Variants in TGFB3 observed in about 807,000 individuals in gnomAD.
TGFB3 encodes transforming growth factor beta 3.
In TGFB3, 5 loss-of-function variants were observed where a neutral mutation model predicts 40.1. The ratio of observed to expected loss-of-function variants is 0.12; its 90% CI spans 0.07 to 0.26. The LOEUF is 0.26. Ranked by LOEUF, TGFB3 falls within the 10% of genes least tolerant of loss-of-function variation. TGFB3 has a pLI of 1.00. For synonymous variants in TGFB3, 184 were observed against 205.6 expected (o/e 0.89, Z 0.90); for missense variants, 373 against 530.1 (o/e 0.70, Z 2.91).
At position 75,980,341 on chromosome 14, in the gene TGFB3, C is replaced by G. The variant is rs1346990727; in HGVS notation, c.352+201G>C. On this transcript the variant is annotated intron_variant, in intron 1 of 6. Coordinates refer to ENST00000238682, the MANE Select transcript of TGFB3 (RefSeq NM_003239.5). This position sits in a 1 kb window ranked among gnomAD's most constrained non-coding sequence, Gnocchi z 4.3. ...AGGGCTCCTGGCCTCCCAGAAGCGC[C>G]GGCTCTTAACAGAATGGCTCTATCT... Among the ~76,000 whole-genome samples, 1 of 152,198 alleles carries G rather than the reference C, an allele frequency of 6.6e-6. No homozygotes were observed. Among genetic ancestry groups the G allele is most frequent in the Non-Finnish European group, 1.5e-5 (1 of 68,020 alleles).
chr14:75,958,722 G>T lies in TGFB3; in HGVS notation c.*465C>A. 5.1e-6 allele frequency: 1 copy of T among 194,508 alleles called. No homozygotes were observed. The highest frequency in any genetic ancestry group is 1.1e-5 in the Non-Finnish European group (1 of 94,202). 12.0% of individuals were successfully genotyped at this position (194,508 alleles called of 1,614,324 possible). A position where few individuals can be genotyped will look rare whatever the true frequency, so the allele number is the denominator to read the frequency against. On this transcript the variant is annotated 3_prime_UTR_variant, in exon 7 of 7. Transcript: ENST00000238682. ...CTGTCTTTAAAAAAAAAAAAAAAATGCTTGCCTTGTATAACATAATCCAGA... is the reference window on the plus strand; with the variant it reads ...CTGTCTTTAAAAAAAAAAAAAAAATTCTTGCCTTGTATAACATAATCCAGA...
intron 3 of TGFB3, among the ~76,000 whole-genome samples, chr14:75,967,741 T>C (rs1022497891): frequency 6.6e-6 from 1 of 152,156 alleles, no homozygotes; most frequent in Non-Finnish European, 1.5e-5. Flanking sequence ...TTATCCCCCA[T>C]TGTACAGATA....
Position 75,959,087 on chromosome 14 carries a change from C to A in TGFB3, c.*100G>T. 1 of 1,506,452 alleles carries A rather than the reference C, an allele frequency of 6.6e-7. No individual in the cohort carries two copies. Among genetic ancestry groups the A allele is most frequent in the South Asian group, 1.1e-5 (1 of 87,710 alleles). The allele number at this position is 1,506,452 out of a possible 1,614,324, so 93.3% of individuals were successfully genotyped here. On this transcript the variant is annotated 3_prime_UTR_variant, in exon 7 of 7. Transcript: ENST00000238682. Reference sequence around the variant, plus strand: ...TGCCCGGAGCCGAAGGTTGTGGGCTCCAGGCCTCTCAGTGAGGTTTGTTGC... The same window carrying A: ...TGCCCGGAGCCGAAGGTTGTGGGCTACAGGCCTCTCAGTGAGGTTTGTTGC...
intron 4 of TGFB3, 75 bp from the exon 5 acceptor site, chr14:75,963,562 C>T (rs2035185972): frequency 1.3e-6 from 2 of 1,571,060 alleles, no homozygotes; most frequent in Admixed American, 3.3e-5. Context: ...CCTCCACACG[C>T]CCCATCACTG....
intron 1 of TGFB3, among the ~76,000 whole-genome samples, chr14:75,975,016 A>G (rs971218063): frequency 1.3e-5 from 2 of 152,008 alleles, no homozygotes; most frequent in Admixed American, 1.3e-4. Context: ...GCTTGAGCCC[A>G]GGAGTTCAAG....
intron 3 of TGFB3, among the ~76,000 whole-genome samples, chr14:75,968,241 C>T (rs2035244842): frequency 6.6e-6 from 1 of 152,154 alleles, no homozygotes; most frequent in Non-Finnish European, 1.5e-5. Flanking sequence ...ATTTGGAGTC[C>T]TTTGTTGCCT....
In TGFB3 at chr14:75,965,590, T is replaced by C. The variant is rs755309898; in HGVS notation, c.752A>G (p.Lys251Arg). ...NIHEVMEIKF[K>R]GVDNEDDHGR... Reference sequence around the variant, plus strand: ...ACCATACACATTCATTTTGTTACCTTTGAATTTGATTTCCATCACCTCGTG... The same window carrying C: ...ACCATACACATTCATTTTGTTACCTCTGAATTTGATTTCCATCACCTCGTG... Residue 251 changes from lysine to arginine, a missense_variant and splice_region_variant, in exon 4 of 7, where the codon AAA becomes AGA. Physicochemically the swap from Lys to Arg is conservative, Grantham distance 26. Transcript: ENST00000238682. 5 of 1,611,954 alleles carry C rather than the reference T, an allele frequency of 3.1e-6. No homozygotes were observed.
rs553467772 is a variant in TGFB3, at chr14:75,959,460, C to T, written c.1081-115G>A. 296 of 1,275,964 alleles carry T rather than the reference C, an allele frequency of 2.3e-4. 1 individual carries two copies. The African/African-American group carries it at 3.5e-3, about 15-fold the overall frequency. The allele number at this position is 1,275,964 out of a possible 1,614,324, so 79.0% of individuals were successfully genotyped here. ...AGCTGAGCAAGTGCTAGAATGGCCACGGGTGCTCTTTAAGAGGAACTGTTG... is the reference window on the plus strand; with the variant it reads ...AGCTGAGCAAGTGCTAGAATGGCCATGGGTGCTCTTTAAGAGGAACTGTTG... On this transcript the variant is annotated intron_variant, in intron 6 of 6. Transcript: ENST00000238682.
chr14:75,969,668 G>A (rs1398694403), intron 3 of TGFB3, among the ~76,000 whole-genome samples: 6 of 152,156 alleles, frequency 3.9e-5, no homozygotes, highest in African/African-American at 1.2e-4. Flanking sequence ...TGTGAAGTTT[G>A]ATATGCCTCC....
chr14:75,963,369 C>T lies in TGFB3; in HGVS notation c.873G>A (p.Pro291=), dbSNP rs370006165. ...GCTTCTTCCTCTGACCCCCCTGGCC[C>T]GGGTTGTCGAGCCGGTGTGGGGGAA... ...MMIPPHRLDN[P]GQGGQRKKRA... Residue 291 remains proline, a synonymous_variant, in exon 5 of 7, where the codon CCG becomes CCA. Transcript: ENST00000238682. The T allele has an allele frequency of 9.3e-5, 150 of 1,614,040 alleles. No homozygotes were observed. The highest frequency in any genetic ancestry group is 1.2e-4 in the Non-Finnish European group (140 of 1,180,044).
rs1300910822 is a variant in TGFB3, at chr14:75,979,911, C to A, written c.352+631G>T. On this transcript the variant is annotated intron_variant, in intron 1 of 6. Transcript: ENST00000238682. The surrounding 1 kb of genome is among the most constrained non-coding windows in gnomAD (Gnocchi z 4.8). ...GTACACGGCCCTGGGAACATTCGTG[C>A]ATACCCTCTTCCTTCCACACACACA... 1.3e-5 allele frequency among the ~76,000 whole-genome samples: 2 copies of A among 152,206 alleles called. No homozygotes were observed. The highest frequency in any genetic ancestry group is 2.9e-5 in the Non-Finnish European group (2 of 68,036).
intron 3 of TGFB3, among the ~76,000 whole-genome samples, chr14:75,970,312 C>T (rs1440697288): frequency 6.6e-6 from 1 of 152,120 alleles, no homozygotes; most frequent in African/African-American, 2.4e-5. Flanking sequence ...AATCCCAGCA[C>T]TTTTGGAAGC....
At chr14:75,976,930 C>T (rs986848174) in intron 1 of TGFB3, among the ~76,000 whole-genome samples, 5 of 152,212 alleles carry the variant, frequency 3.3e-5, no homozygotes, top group South Asian at 2.1e-4. Flanking sequence ...AGGAGCTTGT[C>T]GAAAATACAG....
chr14:75,976,825 C>T (rs1279621958), intron 1 of TGFB3, among the ~76,000 whole-genome samples: 3 of 152,244 alleles, frequency 2.0e-5, no homozygotes, highest in African/African-American at 4.8e-5. Context: ...CATTTCCTGC[C>T]GGGTCTCTGT....
intron 3 of TGFB3, among the ~76,000 whole-genome samples, chr14:75,969,013 G>A (rs1452921652): frequency 1.3e-5 from 2 of 152,156 alleles, no homozygotes; most frequent in East Asian, 1.9e-4. Flanking sequence ...TCAAGGGGTG[G>A]CCGGTACTCA....
At position 75,980,894 on chromosome 14, in the gene TGFB3, G is replaced by A. The variant is rs756481950; in HGVS notation, c.-1C>T. The A allele has an allele frequency of 3.7e-6, 6 of 1,613,844 alleles. No homozygotes were observed. In the Admixed American group the frequency reaches 5.0e-5, roughly 13 times the overall value. ...GAGCCCTTTGCAAGTGCATCTTCATGTGTGAGCTGGGAAGAGAGGCCAGGG... is the reference window on the plus strand; with the variant it reads ...GAGCCCTTTGCAAGTGCATCTTCATATGTGAGCTGGGAAGAGAGGCCAGGG... On this transcript the variant is annotated 5_prime_UTR_variant, in exon 1 of 7. Coordinates refer to ENST00000238682, the MANE Select transcript of TGFB3 (RefSeq NM_003239.5). The surrounding 1 kb of genome is among the most constrained non-coding windows in gnomAD (Gnocchi z 4.3).
intron 5 of TGFB3, 87 bp from the exon 6 acceptor site, chr14:75,961,163 C>G: frequency 6.7e-7 from 1 of 1,482,208 alleles, no homozygotes; most frequent in Non-Finnish European, 9.2e-7. Context: ...CCCTTGGAGT[C>G]CTTTCATGCC....
At chr14:75,977,721 C>G (rs964029138) in intron 1 of TGFB3, among the ~76,000 whole-genome samples, 4 of 151,260 alleles carry the variant, frequency 2.6e-5, no homozygotes, top group African/African-American at 9.7e-5. Context: ...GTGCAATCTG[C>G]CACCTGGGTT....
chr14:75,976,785 G>A (rs2035358128), intron 1 of TGFB3, among the ~76,000 whole-genome samples: 1 of 152,154 alleles, frequency 6.6e-6, no homozygotes, highest in Non-Finnish European at 1.5e-5. Flanking sequence ...AGTTTATCAT[G>A]ACGCCGTGGC....
Sources: gnomAD v4.1 joint callset for allele counts (sites outside exome capture counted in the v4.1 genomes callset) on GRCh38, gnomAD v4.1.1 for gene constraint, Gnocchi (gnomAD v3.1) non-coding constraint, MANE v1.5 for transcripts, NCBI Gene and HGNC (gene_info 2026-07-23, HGNC 2026-07-21) for gene names.